Variants in MYH9 observed in about 807,000 individuals in gnomAD.
MYH9 encodes the protein myosin-9.
A neutral mutation model predicts 241.9 loss-of-function variants in MYH9; 29 were observed. That is an observed-to-expected ratio of 0.12 (90% CI 0.09 to 0.16). MYH9 has a LOEUF of 0.16. Among genes scored for constraint, MYH9 ranks in the 10% least tolerant of loss-of-function variants. The probability of loss-of-function intolerance (pLI) is 1.00; values close to 1 mark genes in which losing one functional copy is unlikely to be tolerated. For missense variants in MYH9, 1,803 were observed against 2,595.5 expected, an observed-to-expected ratio of 0.69 and a Z score of 6.63; for synonymous variants, 1,047 against 1,062.6, an observed-to-expected ratio of 0.99 and a Z score of 0.29.
At chr22:36,348,240 G>A (rs2017709441) in intron 2 of MYH9, among the ~76,000 whole-genome samples, 1 of 151,000 alleles carries the variant, frequency 6.6e-6, no homozygotes, top group African/African-American at 2.4e-5. Context: ...CAGGTGCGGT[G>A]GCTCGCGCCT....
At position 36,285,590 on chromosome 22, in the gene MYH9, G is replaced by C. The variant is rs574286251; in HGVS notation, c.5274+68C>G. On this transcript the variant is annotated intron_variant, in intron 37 of 40. Transcript: ENST00000216181. This position sits in a 1 kb window ranked among gnomAD's most constrained non-coding sequence, Gnocchi z 7.0. ...ACTTGGCCTGTGCTTCTGCCGGCTG[G>C]GTCCAAGGCCAGCTCTGCCGTGGTG... 4.9e-5 allele frequency: 79 copies of C among 1,604,406 alleles called. No individual in the cohort carries two copies. In the South Asian group the frequency reaches 8.6e-4, roughly 18 times the overall value.
chr22:36,356,580 CAAAAAAAAAAAAA>C (rs34880972), intron 1 of MYH9, among the ~76,000 whole-genome samples: 4 of 24,662 alleles, frequency 1.6e-4, no homozygotes, highest in Admixed American at 9.0e-4. Context: ...GACTCCATCT[CAAAAAAAAAAAAA>C]AAAAAAAAAA....
Position 36,282,615 on chromosome 22 carries a change from G to T in MYH9, c.*53C>A. On this transcript the variant is annotated 3_prime_UTR_variant, in exon 41 of 41. Coordinates refer to ENST00000216181, the MANE Select transcript of MYH9 (RefSeq NM_002473.6). ...GAGGCGTGCTGCGGGGTCTGGGAAG[G>T]GGAGGCTGTGGTGTCTGTCTGTCCA... 1 of 1,535,892 alleles carries T rather than the reference G, an allele frequency of 6.5e-7. No individual in the cohort carries two copies.
intron 1 of MYH9, among the ~76,000 whole-genome samples, chr22:36,376,986 C>A: frequency 6.6e-6 from 1 of 152,002 alleles, no homozygotes; most frequent in East Asian, 1.9e-4. Flanking sequence ...TCGCTTGAAC[C>A]CGGGAGGTGG....
At chr22:36,321,956 A>T in intron 6 of MYH9, 135 bp from the exon 7 acceptor site, 1 of 821,630 alleles carries the variant, frequency 1.2e-6, no homozygotes, top group South Asian at 1.4e-5. Flanking sequence ...GACGGGACCC[A>T]TGTACCAGGC....
At chr22:36,354,437 C>G (rs903671468) in intron 1 of MYH9, among the ~76,000 whole-genome samples, 4 of 148,902 alleles carry the variant, frequency 2.7e-5, no homozygotes, top group African/African-American at 7.5e-5. Flanking sequence ...ACCCTCTTAT[C>G]TAGTATACCA....
In MYH9 at chr22:36,293,647, A is replaced by C; in HGVS notation, c.3942+112T>G. ...GACGCAGAGACCCACCCACAGGATG[A>C]AGCAGATGAAGGAGAGGATGGGCAA... On this transcript the variant is annotated intron_variant, in intron 29 of 40. Coordinates refer to ENST00000216181, the MANE Select transcript of MYH9 (RefSeq NM_002473.6). This position sits in a 1 kb window ranked among gnomAD's most constrained non-coding sequence, Gnocchi z 5.1. The C allele has an allele frequency of 7.6e-7, 1 of 1,318,910 alleles. No homozygotes were observed. Among genetic ancestry groups the C allele is most frequent in the Non-Finnish European group, 1.1e-6 (1 of 930,384 alleles). The allele number at this position is 1,318,910 out of a possible 1,614,324, so 81.7% of individuals were successfully genotyped here.
At chr22:36,362,740 C>T (rs1446462007) in intron 1 of MYH9, among the ~76,000 whole-genome samples, 1 of 152,132 alleles carries the variant, frequency 6.6e-6, no homozygotes, top group Non-Finnish European at 1.5e-5. Context: ...CCTTCCAAAG[C>T]GCTGGGATTA....
rs554873361 is a variant in MYH9 at position 36,302,858 on chromosome 22, G to A, written c.2391-182C>T. ...AGTTTCTCCCACTTACAGGCTGTGT[G>A]ACTCCATGAGGCACTAATCTTACAG... On this transcript the variant is annotated intron_variant, in intron 19 of 40. Transcript: ENST00000216181. Among the ~76,000 whole-genome samples, 17 of 152,334 alleles carry A rather than the reference G, an allele frequency of 1.1e-4. No individual in the cohort carries two copies. In the South Asian group the frequency reaches 2.9e-3, roughly 26 times the overall value.
chr22:36,332,520 G>C (rs1448996924), intron 3 of MYH9, among the ~76,000 whole-genome samples: 1 of 152,058 alleles, frequency 6.6e-6, no homozygotes, highest in Non-Finnish European at 1.5e-5. Flanking sequence ...CCAGAAGCCA[G>C]TTCGACTCGG....
chr22:36,289,232 C>T lies in MYH9; in HGVS notation c.4410G>A (p.Glu1470=), dbSNP rs1370284980. ...GAGCCTTGGTCTCCTTCTCTCGGGC[C>T]TCCGCCTCAGCCCGGTCGCGCTCCT... ...YAEERDRAEA[E]AREKETKALS... The change falls in exon 32 of 41, where the codon GAG becomes GAA. Residue 1470 remains glutamate (E), a synonymous_variant. Transcript: ENST00000216181. 6.2e-7 allele frequency: 1 copy of T among 1,613,110 alleles called. No individual in the cohort carries two copies. The highest frequency in any genetic ancestry group is 1.1e-5 in the South Asian group (1 of 91,086).
intron 2 of MYH9, among the ~76,000 whole-genome samples, chr22:36,348,432 C>T (rs1312587857): frequency 6.6e-6 from 1 of 150,984 alleles, no homozygotes; most frequent in Non-Finnish European, 1.5e-5. Context: ...TCGCTTGAAC[C>T]CAGGAGACAG....
In MYH9 at chr22:36,325,166, T is replaced by C. The variant is rs765642569; in HGVS notation, c.612+1402A>G. 8.1e-6 allele frequency: 6 copies of C among 742,390 alleles called. No individual in the cohort carries two copies. The Admixed American group carries it at 1.1e-4, about 14-fold the overall frequency. 46.0% of individuals were successfully genotyped at this position (742,390 alleles called of 1,614,324 possible). A position where few individuals can be genotyped will look rare whatever the true frequency, so the allele number is the denominator to read the frequency against. On this transcript the variant is annotated intron_variant, in intron 5 of 40. Coordinates refer to ENST00000216181, the MANE Select transcript of MYH9 (RefSeq NM_002473.6). ...TCGGGGGTAGGGAGGGAGAGAGGGATGGAGAGAGAGAGAGACAGAGAGGGA... is the reference window on the plus strand; with the variant it reads ...TCGGGGGTAGGGAGGGAGAGAGGGACGGAGAGAGAGAGAGACAGAGAGGGA...
chr22:36,297,047 G>A, intron 24 of MYH9, 33 bp from the exon 25 acceptor site: 1 of 1,610,318 alleles, frequency 6.2e-7, no homozygotes, highest in Admixed American at 1.7e-5. Flanking sequence ...ATAGCCCTCA[G>A]TGCCATGGGT....
intron 1 of MYH9, among the ~76,000 whole-genome samples, chr22:36,356,736 G>A (rs1368387710): frequency 6.6e-6 from 1 of 152,178 alleles, no homozygotes; most frequent in East Asian, 1.9e-4. Context: ...AGATCCCAGG[G>A]GGTTTCTAAT....
At chr22:36,369,386 C>A (rs1233958437) in intron 1 of MYH9, among the ~76,000 whole-genome samples, 1 of 152,214 alleles carries the variant, frequency 6.6e-6, no homozygotes, top group African/African-American at 2.4e-5. Flanking sequence ...TACCCACCTC[C>A]CCCTCGCCCT....
chr22:36,340,682 G>C (rs566667898), intron 3 of MYH9, among the ~76,000 whole-genome samples: 176 of 151,062 alleles, frequency 1.2e-3, no homozygotes, highest in Non-Finnish European at 2.2e-3. Flanking sequence ...AAAAAAGAAA[G>C]AAAGGAAGTG....
intron 3 of MYH9, among the ~76,000 whole-genome samples, chr22:36,331,024 G>C (rs952224265): frequency 5.3e-5 from 8 of 152,164 alleles, no homozygotes; most frequent in African/African-American, 1.4e-4. Flanking sequence ...CCAAATTCCT[G>C]AGCAAGGGAC....
intron 2 of MYH9, among the ~76,000 whole-genome samples, chr22:36,343,889 T>C (rs2017630967): frequency 6.6e-6 from 1 of 152,090 alleles, no homozygotes; most frequent in South Asian, 2.1e-4. Context: ...TTCCTGGACT[T>C]TGAGAAAACC....
Sources: gnomAD v4.1 joint callset for allele counts (sites outside exome capture counted in the v4.1 genomes callset) on GRCh38, gnomAD v4.1.1 for gene constraint, Gnocchi (gnomAD v3.1) non-coding constraint, MANE v1.5 for transcripts, NCBI Gene and HGNC (gene_info 2026-07-23, HGNC 2026-07-21) for gene names.